Variants in ATP10B observed in about 807,000 individuals in gnomAD.
ATP10B encodes phospholipid-transporting ATPase VB.
Under a neutral mutation model 141.2 loss-of-function variants are expected in ATP10B, and 122 were observed. The observed-to-expected ratio is 0.86, with a 90% confidence interval of 0.75 to 1.00. The LOEUF (loss-of-function observed/expected upper bound fraction) is 1.00. Ranked by LOEUF, ATP10B falls within the 50% of genes least tolerant of loss-of-function variation. The pLI is 0.00. For synonymous variants in ATP10B, 685 were observed against 692.0 expected (o/e 0.99, Z 0.16); for missense variants, 1,876 against 1,825.3 (o/e 1.03, Z -0.51).
rs1462506095 is a variant in ATP10B at position 160,565,215 on chromosome 5, T to C, written c.*238A>G. 3.6e-6 allele frequency: 2 copies of C among 549,012 alleles called. No homozygotes were observed. Among genetic ancestry groups the C allele is most frequent in the Non-Finnish European group, 6.5e-6 (2 of 308,540 alleles). 34.0% of individuals were successfully genotyped at this position (549,012 alleles called of 1,614,324 possible). Reference sequence around the variant, plus strand: ...CTCGATTCAACAAAAACAGCCTCCTTCTCCAAACTGTTTGCAAGATGTGCT... The same window carrying C: ...CTCGATTCAACAAAAACAGCCTCCTCCTCCAAACTGTTTGCAAGATGTGCT... On this transcript the variant is annotated 3_prime_UTR_variant, in exon 26 of 26. Transcript: ENST00000327245.
chr5:160,800,964 A>G (rs1268177465), intron 1 of ATP10B, among the ~76,000 whole-genome samples: 1 of 152,140 alleles, frequency 6.6e-6, no homozygotes, highest in African/African-American at 2.4e-5. Flanking sequence ...TTTGTAATGT[A>G]CTGTTTGCTG....
At chr5:160,828,712 T>C (rs1212832042) in intron 1 of ATP10B, among the ~76,000 whole-genome samples, 1 of 151,976 alleles carries the variant, frequency 6.6e-6, no homozygotes, top group Non-Finnish European at 1.5e-5. Flanking sequence ...ACTGGGTATG[T>C]ACCCAAAGGA....
Position 160,565,796 on chromosome 5 carries a change from C to G in ATP10B, c.4043G>C (p.Ser1348Thr). ...GGCAGGCCTCTGTCTGCTTCTCCAA[C>G]TCTGGATTTCCAGGTTTCTTTTGTC... Reference protein sequence around the residue: ...PPDKRNLEIQSWRSRQRPAPV... With the variant: ...PPDKRNLEIQTWRSRQRPAPV... The change falls in exon 26 of 26, where the codon AGT becomes ACT. Residue 1348 changes from serine (S) to threonine (T), a missense_variant. By Grantham distance (58) the Ser-to-Thr change is moderately conservative. Transcript: ENST00000327245. 6.2e-7 allele frequency: 1 copy of G among 1,614,130 alleles called. No individual in the cohort carries two copies. The highest frequency in any genetic ancestry group is 1.3e-5 in the African/African-American group (1 of 75,054).
intron 6 of ATP10B, among the ~76,000 whole-genome samples, chr5:160,682,154 T>C (rs1448545964): frequency 6.6e-6 from 1 of 152,202 alleles, no homozygotes; most frequent in Non-Finnish European, 1.5e-5. Flanking sequence ...ACTTAGATAT[T>C]AAAAAATATT....
At chr5:160,840,385 A>T (rs796853913) in intron 1 of ATP10B, among the ~76,000 whole-genome samples, 3 of 152,204 alleles carry the variant, frequency 2.0e-5, no homozygotes, top group African/African-American at 7.2e-5. Flanking sequence ...ATGAGGATAC[A>T]AACAGACTAA....
rs568319405 is a variant in ATP10B, at chr5:160,669,193, C to T, written c.675+1270G>A. Among the ~76,000 whole-genome samples the T allele has an allele frequency of 3.9e-5, 6 of 152,324 alleles. No homozygotes were observed. The South Asian group carries it at 6.2e-4, about 16-fold the overall frequency. ...GAATTTTAATTGCAAATTGGGATAT[C>T]ACACCCAGCTTCAGTCAGTCAACAC... On this transcript the variant is annotated intron_variant, in intron 7 of 25. Coordinates refer to ENST00000327245, the MANE Select transcript of ATP10B (RefSeq NM_025153.3).
chr5:160,813,625 G>T (rs777053095), intron 1 of ATP10B, among the ~76,000 whole-genome samples: 2 of 152,186 alleles, frequency 1.3e-5, no homozygotes, highest in East Asian at 1.9e-4. Flanking sequence ...TGACAGCTTC[G>T]AAGAGAGTAG....
At chr5:160,798,793 CA>C (rs1772149349) in intron 1 of ATP10B, among the ~76,000 whole-genome samples, 1 of 146,442 alleles carries the variant, frequency 6.8e-6, no homozygotes, top group Admixed American at 7.0e-5. Context: ...CTCTGTCACC[CA>C]GGCTGGAGTC....
chr5:160,813,816 G>T (rs1208280541), intron 1 of ATP10B, among the ~76,000 whole-genome samples: 1 of 152,200 alleles, frequency 6.6e-6, no homozygotes, highest in African/African-American at 2.4e-5. Flanking sequence ...AGCAACATTT[G>T]CTGTTCACCA....
At chr5:160,577,524 T>C (rs1755267987) in intron 24 of ATP10B, among the ~76,000 whole-genome samples, 1 of 152,200 alleles carries the variant, frequency 6.6e-6, no homozygotes, top group Non-Finnish European at 1.5e-5. Flanking sequence ...AGACAGATCA[T>C]TATTGATTTT....
intron 20 of ATP10B, 117 bp from the exon 21 acceptor site, chr5:160,602,819 C>T (rs1166993343): frequency 3.5e-6 from 5 of 1,414,184 alleles, no homozygotes; most frequent in Non-Finnish European, 4.8e-6. Context: ...CTAAAGACCC[C>T]TTGTTGTGGT....
chr5:160,794,107 T>C (rs994637044), intron 1 of ATP10B, among the ~76,000 whole-genome samples: 2 of 152,220 alleles, frequency 1.3e-5, no homozygotes, highest in Non-Finnish European at 2.9e-5. Flanking sequence ...GTCATTCTTT[T>C]AATGTATCCC....
chr5:160,699,599 C>T (rs7726122), intron 3 of ATP10B, among the ~76,000 whole-genome samples: 424 of 152,260 alleles, frequency 2.8e-3, no homozygotes, highest in African/African-American at 9.9e-3. Flanking sequence ...AGGCATCTGG[C>T]TTAGCACAGA....
chr5:160,919,684 T>A, the ATP10B span, among the ~76,000 whole-genome samples: 1 of 152,172 alleles, frequency 6.6e-6, no homozygotes, highest in East Asian at 1.9e-4. Flanking sequence ...GACTGATCTC[T>A]GTCATGTCAA....
At position 160,755,555 on chromosome 5, in the gene ATP10B, C is replaced by T. The variant is rs1181537967; in HGVS notation, c.-331+30004G>A. Among the ~76,000 whole-genome samples, 10 of 150,778 alleles carry T rather than the reference C, an allele frequency of 6.6e-5. No individual in the cohort carries two copies. In the East Asian group the frequency reaches 1.9e-3, roughly 29 times the overall value. ...TATAGTCCGGGCGCGGTGGCTCACG[C>T]CTGTAATCCCAGCACTTTGGGAGGC... On this transcript the variant is annotated intron_variant, in intron 2 of 25. Coordinates refer to ENST00000327245, the MANE Select transcript of ATP10B (RefSeq NM_025153.3).
At chr5:160,600,535 C>T (rs1195794519) in intron 21 of ATP10B, among the ~76,000 whole-genome samples, 2 of 152,198 alleles carry the variant, frequency 1.3e-5, no homozygotes, top group African/African-American at 4.8e-5. Flanking sequence ...CAGCCCTGTT[C>T]CCGACATACA....
rs1760979380 is a variant in ATP10B, at chr5:160,652,965, GTATATATAATATATACATACATATT to G, written c.676-3734_676-3710del. On this transcript the variant is annotated intron_variant, in intron 7 of 25. Coordinates refer to ENST00000327245, the MANE Select transcript of ATP10B (RefSeq NM_025153.3). ...TATATATAATATATTATATATACAT[GTATATATAATATATACATACATATT>G]TATATTTATATATTATATATATTTA... Among the ~76,000 whole-genome samples the G allele has an allele frequency of 1.1e-4, 8 of 73,130 alleles. No homozygotes were observed. In the South Asian group the frequency reaches 3.2e-3, roughly 29 times the overall value. 48.0% of individuals were successfully genotyped at this position (73,130 alleles called of 152,430 possible).
Position 160,569,731 on chromosome 5 carries a change from G to A in ATP10B, c.3751-48C>T, listed in dbSNP as rs77870754. 7.5e-4 allele frequency: 1,055 copies of A among 1,411,820 alleles called. 14 individuals are homozygous for A. The East Asian group carries it at 0.024, about 33-fold the overall frequency. 87.5% of individuals were successfully genotyped at this position (1,411,820 alleles called of 1,614,324 possible). ...ACTGTTGAAGGTATAGCTGAGATTA[G>A]GAGGCAGGGTGATCAAACTACTTGA... On this transcript the variant is annotated intron_variant, in intron 24 of 25. Coordinates refer to ENST00000327245, the MANE Select transcript of ATP10B (RefSeq NM_025153.3).
chr5:160,908,701 T>C, the ATP10B span, among the ~76,000 whole-genome samples: 10 of 152,200 alleles, frequency 6.6e-5, no homozygotes, highest in African/African-American at 2.2e-4. Flanking sequence ...ACATCCCTGG[T>C]TAGGTCCTAG....
Sources: gnomAD v4.1 joint callset for allele counts (sites outside exome capture counted in the v4.1 genomes callset) on GRCh38, gnomAD v4.1.1 for gene constraint, MANE v1.5 for transcripts, NCBI Gene and HGNC (gene_info 2026-07-23, HGNC 2026-07-21) for gene names.